Variants in SARNP observed in about 807,000 individuals in gnomAD.
SARNP encodes SAP domain containing ribonucleoprotein.
Under a neutral mutation model 38.1 loss-of-function variants are expected in SARNP, and 5 were observed. The observed-to-expected ratio is 0.13, with a 90% confidence interval of 0.07 to 0.28. The LOEUF (loss-of-function observed/expected upper bound fraction) is 0.28, where lower values mean the gene tolerates loss of function less well. Among genes scored for constraint, SARNP ranks in the 10% least tolerant of loss-of-function variants. The pLI, the probability that SARNP is intolerant of heterozygous loss-of-function variation, is 1.00. For synonymous variants in SARNP, 84 were observed against 80.6 expected (o/e 1.04, Z -0.23); for missense variants, 180 against 243.9 (o/e 0.74, Z 1.75).
downstream of SARNP, chr12:55,754,093 A>AC (rs1878426685): frequency 6.6e-6 from 1 of 152,142 alleles, no homozygotes; most frequent in Non-Finnish European, 1.5e-5. Context: ...CAGCACACTG[A>AC]CCCCACTCGA....
chr12:55,795,697 C>A (rs2136198040), intron 5 of SARNP, among the ~76,000 whole-genome samples: 1 of 152,246 alleles, frequency 6.6e-6, no homozygotes, highest in Non-Finnish European at 1.5e-5. Flanking sequence ...CAGCTACTGG[C>A]CAGTAGCAAC....
Position 55,798,646 on chromosome 12 carries a change from A to AT in SARNP, c.251+1915dup, listed in dbSNP as rs34327663. Among the ~76,000 whole-genome samples, 13 of 151,406 alleles carry AT rather than the reference A, an allele frequency of 8.6e-5. No individual in the cohort carries two copies. The East Asian group carries it at 1.2e-3, about 13-fold the overall frequency. ...ATTAGAAAAGGACATGCAGAACTAC[A>AT]TTTTTTTTTAATGAATAATCTAAAT... On this transcript the variant is annotated intron_variant, in intron 4 of 10. Transcript: ENST00000336133.
intron 1 of SARNP, among the ~76,000 whole-genome samples, chr12:55,804,753 G>C (rs1311537471): frequency 1.3e-5 from 2 of 151,970 alleles, no homozygotes; most frequent in Admixed American, 6.6e-5. Context: ...AGGAAAGAAA[G>C]GCTCCAGAAA....
intron 7 of SARNP, among the ~76,000 whole-genome samples, chr12:55,791,416 C>T (rs1226782392): frequency 5.9e-5 from 9 of 152,238 alleles, no homozygotes; most frequent in Admixed American, 2.6e-4. Flanking sequence ...GGCTCCTGGC[C>T]GGGTGCAGTG....
chr12:55,762,282 C>G (rs1407645025), intron 9 of SARNP, among the ~76,000 whole-genome samples: 1 of 151,456 alleles, frequency 6.6e-6, no homozygotes, highest in Non-Finnish European at 1.5e-5. Flanking sequence ...AGTGGGACTC[C>G]GTCTCCAAAG....
chr12:55,780,766 C>T (rs545467340), intron 9 of SARNP, among the ~76,000 whole-genome samples: 1 of 152,300 alleles, frequency 6.6e-6, no homozygotes, highest in African/African-American at 2.4e-5. Context: ...ACAAGCATTG[C>T]TCTAATGGGG....
intron 5 of SARNP, among the ~76,000 whole-genome samples, chr12:55,795,524 C>T (rs1331815832): frequency 6.6e-6 from 1 of 152,170 alleles, no homozygotes; most frequent in Non-Finnish European, 1.5e-5. Flanking sequence ...TTGGTTCCAA[C>T]ACCAATGGTA....
At chr12:55,764,322 G>A (rs899414168) in intron 9 of SARNP, among the ~76,000 whole-genome samples, 8 of 151,888 alleles carry the variant, frequency 5.3e-5, no homozygotes, top group Admixed American at 2.0e-4. Context: ...TCCTGAGGTC[G>A]GGAGTTCGAG....
At chr12:55,766,032 A>G (rs1027274323) in intron 9 of SARNP, among the ~76,000 whole-genome samples, 4 of 152,202 alleles carry the variant, frequency 2.6e-5, no homozygotes, top group Non-Finnish European at 4.4e-5. Flanking sequence ...TACCTCGATC[A>G]AAACTCATGT....
chr12:55,786,681 C>T (rs1254272931), intron 9 of SARNP, among the ~76,000 whole-genome samples: 1 of 151,962 alleles, frequency 6.6e-6, no homozygotes, highest in Non-Finnish European at 1.5e-5. Context: ...GAACTCCTGA[C>T]CTCGTGATCC....
intron 9 of SARNP, among the ~76,000 whole-genome samples, chr12:55,783,912 T>A (rs1879412232): frequency 6.6e-6 from 1 of 151,924 alleles, no homozygotes; most frequent in Non-Finnish European, 1.5e-5. Flanking sequence ...GGGCCACACA[T>A]GAGATCCTAT....
intron 1 of SARNP, among the ~76,000 whole-genome samples, chr12:55,808,004 G>A (rs1377012633): frequency 1.3e-5 from 2 of 152,118 alleles, no homozygotes; most frequent in Non-Finnish European, 2.9e-5. Flanking sequence ...GAAAATAAAA[G>A]TCGTATGTAA....
intron 9 of SARNP, among the ~76,000 whole-genome samples, chr12:55,773,502 C>T (rs768619684): frequency 2.0e-5 from 3 of 152,096 alleles, no homozygotes; most frequent in Non-Finnish European, 2.9e-5. Flanking sequence ...TATTGCTCTC[C>T]TACAATTCAA....
At chr12:55,817,284 A>C (rs1880520427) in intron 1 of SARNP, among the ~76,000 whole-genome samples, 1 of 152,190 alleles carries the variant, frequency 6.6e-6, no homozygotes, top group Non-Finnish European at 1.5e-5. Context: ...GACAGACTGG[A>C]AACATCATCC....
In SARNP at chr12:55,757,445, A is replaced by C. The variant is rs753183788; in HGVS notation, c.*67T>G. ...GGCACATGACTGTGCATTTAGGCAT[A>C]TATGTGACCAAGAAGAAGGAGAGAA... On this transcript the variant is annotated 3_prime_UTR_variant, in exon 11 of 11. Transcript: ENST00000336133. The C allele has an allele frequency of 3.5e-6, 5 of 1,409,938 alleles. No homozygotes were observed. Among genetic ancestry groups the C allele is most frequent in the Non-Finnish European group, 4.9e-6 (5 of 1,013,972 alleles). 87.3% of individuals were successfully genotyped at this position (1,409,938 alleles called of 1,614,324 possible).
chr12:55,760,788 A>G, intron 9 of SARNP, 148 bp from the exon 10 acceptor site: 1 of 623,114 alleles, frequency 1.6e-6, no homozygotes, highest in Admixed American at 2.9e-5. Context: ...ATACATAAGA[A>G]ACTGAATAAG....
At chr12:55,801,014 C>T (rs1879964667) in intron 2 of SARNP, 114 bp from the exon 3 acceptor site, 1 of 816,108 alleles carries the variant, frequency 1.2e-6, no homozygotes, top group South Asian at 1.4e-5. Flanking sequence ...ACAGTGAAGG[C>T]AGAAACTGAT....
chr12:55,800,646 CA>C lies in SARNP; in HGVS notation c.184-18del. On this transcript the variant is annotated intron_variant, in intron 3 of 10. Coordinates refer to ENST00000336133, the MANE Select transcript of SARNP (RefSeq NM_033082.4). ...TTCTTCTTCCTAAAACCAAATGAAA[CA>C]AGGTGGTTAACATAAATCTAAAGAA... is the stretch of plus-strand genomic sequence containing the variant. 6.3e-7 allele frequency: 1 copy of C among 1,589,176 alleles called. No individual in the cohort carries two copies. Among genetic ancestry groups the C allele is most frequent in the Non-Finnish European group, 8.6e-7 (1 of 1,162,498 alleles).
intron 9 of SARNP, among the ~76,000 whole-genome samples, chr12:55,779,479 T>C (rs899563365): frequency 7.2e-5 from 11 of 152,226 alleles, no homozygotes; most frequent in African/African-American, 2.7e-4. Context: ...CAGGCTACTT[T>C]TCCAACTTAC....
Sources: gnomAD v4.1 joint callset for allele counts (sites outside exome capture counted in the v4.1 genomes callset) on GRCh38, gnomAD v4.1.1 for gene constraint, MANE v1.5 for transcripts, NCBI Gene and HGNC (gene_info 2026-07-23, HGNC 2026-07-21) for gene names.